ALDH1A1: variants seen among roughly 807,000 people sequenced by gnomAD.
The protein encoded by ALDH1A1 is aldehyde dehydrogenase 1A1.
Under a neutral mutation model 62.1 loss-of-function variants are expected in ALDH1A1, and 19 were observed. The observed-to-expected ratio is 0.31, with a 90% CI of 0.21 to 0.45. ALDH1A1 has a LOEUF of 0.45. Ranked by LOEUF, ALDH1A1 falls within the 20% of genes least tolerant of loss-of-function variation. ALDH1A1 has a pLI of 1.00. For missense variants in ALDH1A1, 521 were observed against 607.1 expected, an observed-to-expected ratio of 0.86 and a Z score of 1.49; for synonymous variants, 231 against 215.9, an observed-to-expected ratio of 1.07 and a Z score of -0.61.
intron 10 of ALDH1A1, 69 bp from the exon 11 acceptor site, chr9:72,909,828 T>C (rs913746993): frequency 7.5e-6 from 10 of 1,333,610 alleles, no homozygotes; most frequent in African/African-American, 1.5e-5. Context: ...ATATCGTAGA[T>C]TTTTTTTCCT....
rs201706478 is a variant in ALDH1A1, at chr9:72,917,151, A to G, written c.851-47T>C. 10 of 1,283,002 alleles carry G rather than the reference A, an allele frequency of 7.8e-6. No individual in the cohort carries two copies. The East Asian group carries it at 2.1e-4, about 27-fold the overall frequency. 79.5% of individuals were successfully genotyped at this position (1,283,002 alleles called of 1,614,324 possible). On this transcript the variant is annotated intron_variant, in intron 8 of 12. Transcript: ENST00000297785. ...TAAAGATATATTTTATAAAAATTAT[A>G]TATTTTATATGTTTCTCAGAGGCAA...
At chr9:72,903,409 ACT>A in intron 12 of ALDH1A1, among the ~76,000 whole-genome samples, 1 of 152,050 alleles carries the variant, frequency 6.6e-6, no homozygotes. Flanking sequence ...CTCTTTGAGG[ACT>A]CTGTTCTCAA....
chr9:72,903,181 G>T lies in ALDH1A1; in HGVS notation c.1434-1901C>A, dbSNP rs8187988. Reference sequence around the variant, plus strand: ...TGGGACAGGAGGAAAAAAATATGGTGGGAGGGGCTAAGAGCCAATCAAGTT... The same window carrying T: ...TGGGACAGGAGGAAAAAAATATGGTTGGAGGGGCTAAGAGCCAATCAAGTT... On this transcript the variant is annotated intron_variant, in intron 12 of 12. Coordinates refer to ENST00000297785, the MANE Select transcript of ALDH1A1 (RefSeq NM_000689.5). 5.9e-3 allele frequency among the ~76,000 whole-genome samples: 902 copies of T among 152,096 alleles called. 3 individuals carry two copies. The highest frequency in any genetic ancestry group is 9.3e-3 in the Non-Finnish European group (632 of 67,938).
At chr9:72,925,301 G>T (rs1253579892) in intron 6 of ALDH1A1, among the ~76,000 whole-genome samples, 183 bp downstream of exon 6, 3 of 152,164 alleles carry the variant, frequency 2.0e-5, no homozygotes, top group African/African-American at 2.4e-5. Context: ...GTCTGCATTT[G>T]GGCAGAGATG....
intron 1 of ALDH1A1, among the ~76,000 whole-genome samples, chr9:72,951,421 A>G (rs892722143): frequency 6.6e-6 from 1 of 151,796 alleles, no homozygotes; most frequent in Non-Finnish European, 1.5e-5. Flanking sequence ...TACACACACA[A>G]GGAAGACTTT....
intron 2 of ALDH1A1, among the ~76,000 whole-genome samples, chr9:72,937,924 C>G (rs1422370697): frequency 6.6e-6 from 1 of 152,068 alleles, no homozygotes; most frequent in Non-Finnish European, 1.5e-5. Flanking sequence ...AATTGTTAAC[C>G]CCTATGGTTG....
At chr9:72,926,827 C>T (rs1021720716) in intron 5 of ALDH1A1, among the ~76,000 whole-genome samples, 3 of 152,136 alleles carry the variant, frequency 2.0e-5, no homozygotes, top group African/African-American at 7.2e-5. Flanking sequence ...ATAAAGAGTA[C>T]ATAATACAAC....
intron 7 of ALDH1A1, among the ~76,000 whole-genome samples, chr9:72,922,384 G>C (rs1830155757): frequency 6.6e-6 from 1 of 152,088 alleles, no homozygotes; most frequent in Admixed American, 6.5e-5. Context: ...TAGGTAAAGT[G>C]CTCCCCCAAT....
chr9:72,942,162 G>C (rs577598764), intron 1 of ALDH1A1, among the ~76,000 whole-genome samples: 1 of 152,260 alleles, frequency 6.6e-6, no homozygotes, highest in African/African-American at 2.4e-5. Flanking sequence ...GTCTCTTAGA[G>C]TGAATCAACA....
chr9:72,929,118 T>G, intron 3 of ALDH1A1, 97 bp from the exon 4 acceptor site: 1 of 1,361,278 alleles, frequency 7.3e-7, no homozygotes, highest in Non-Finnish European at 9.9e-7. Context: ...AGGGAATTTT[T>G]GAAATAGAAG....
At chr9:72,940,850 AT>A (rs1280029671) in intron 1 of ALDH1A1, among the ~76,000 whole-genome samples, 3 of 152,186 alleles carry the variant, frequency 2.0e-5, no homozygotes, top group Non-Finnish European at 4.4e-5. Flanking sequence ...CAGGAACAAG[AT>A]TTCTTAATGG....
intron 11 of ALDH1A1, among the ~76,000 whole-genome samples, chr9:72,908,625 AAG>A (rs142357268): frequency 6.9e-5 from 9 of 130,754 alleles, no homozygotes; most frequent in African/African-American, 2.6e-4. Context: ...GAAAGAAAGA[AAG>A]AGAATATTGC....
rs553263911 is a variant in ALDH1A1, at chr9:72,916,799, C to T, written c.1035+121G>A. 27 of 750,874 alleles carry T rather than the reference C, an allele frequency of 3.6e-5. No individual in the cohort carries two copies. The East Asian group carries it at 6.4e-4, about 18-fold the overall frequency. The allele number at this position is 750,874 out of a possible 1,614,324, so 46.5% of individuals were successfully genotyped here. A position where few individuals can be genotyped will look rare whatever the true frequency, so the allele number is the denominator to read the frequency against. On this transcript the variant is annotated intron_variant, in intron 9 of 12. Transcript: ENST00000297785. ...ATTGCTTTTAAACACCAAACTGGCA[C>T]AGCATTGTCACCTAGGAAGGTGTGC...
chr9:72,935,708 A>G (rs915441297), intron 2 of ALDH1A1, among the ~76,000 whole-genome samples: 1 of 152,134 alleles, frequency 6.6e-6, no homozygotes, highest in African/African-American at 2.4e-5. Context: ...TGTAACCTCC[A>G]TTTGTTCTTG....
Position 72,930,931 on chromosome 9 carries a change from C to T in ALDH1A1, c.260G>A (p.Arg87Gln), listed in dbSNP as rs373020793. ...WRTMDASERG[R>Q]LLYKLADLIE... ...TAAATCAGCCAACTTGTATAATAGTCGCCCCCTCTCGGAAGCATCCATAGT... is the reference window on the plus strand; with the variant it reads ...TAAATCAGCCAACTTGTATAATAGTTGCCCCCTCTCGGAAGCATCCATAGT... The change falls in exon 3 of 13, where the codon CGA becomes CAA. Residue 87 changes from arginine to glutamine, a missense_variant. Coordinates refer to ENST00000297785, the MANE Select transcript of ALDH1A1 (RefSeq NM_000689.5). 6 of 1,613,906 alleles carry T rather than the reference C, an allele frequency of 3.7e-6. No individual in the cohort carries two copies. The African/African-American group carries it at 4.0e-5, about 11-fold the overall frequency.
At chr9:72,921,503 CT>C (rs11327072) in intron 7 of ALDH1A1, among the ~76,000 whole-genome samples, 47,799 of 109,378 alleles carry the variant, frequency 0.44, 7,256 homozygotes, top group Middle Eastern at 0.52. Context: ...ACATTTAATT[CT>C]TTTTTTTTTT....
At chr9:72,927,870 T>G (rs1365602658) in intron 4 of ALDH1A1, among the ~76,000 whole-genome samples, 1 of 151,888 alleles carries the variant, frequency 6.6e-6, no homozygotes, top group Non-Finnish European at 1.5e-5. Flanking sequence ...CAATCTAAAT[T>G]TGACCAATTT....
chr9:72,917,961 A>C (rs1383899192), intron 8 of ALDH1A1, among the ~76,000 whole-genome samples: 2 of 152,334 alleles, frequency 1.3e-5, no homozygotes, highest in East Asian at 1.9e-4. Context: ...TGTTTATAGA[A>C]TATTTCATAA....
intron 12 of ALDH1A1, among the ~76,000 whole-genome samples, chr9:72,903,591 C>G (rs1397656325): frequency 1.3e-5 from 2 of 149,796 alleles, no homozygotes; most frequent in Non-Finnish European, 3.0e-5. Flanking sequence ...GTAGCATTCT[C>G]TAGTTGAATT....
Sources: gnomAD v4.1 joint callset for allele counts (sites outside exome capture counted in the v4.1 genomes callset) on GRCh38, gnomAD v4.1.1 for gene constraint, MANE v1.5 for transcripts, NCBI Gene and HGNC (gene_info 2026-07-23, HGNC 2026-07-21) for gene names.